The following SOX6 variants were observed in gnomAD, a reference collection of about 807,000 sequenced individuals.
The protein encoded by SOX6 is SRY-box transcription factor 6.
A neutral mutation model predicts 97.8 loss-of-function variants in SOX6; 11 were observed. That is an observed-to-expected ratio of 0.11 (90% CI 0.07 to 0.19). The LOEUF is 0.19. SOX6 is among the 10% of genes least tolerant of loss of function. The probability of loss-of-function intolerance (pLI) is 1.00; values close to 1 mark genes in which losing one functional copy is unlikely to be tolerated. For synonymous variants in SOX6, 360 were observed against 371.4 expected (o/e 0.97, Z 0.35); for missense variants, 810 against 1,039.5 (o/e 0.78, Z 3.04).
intron 1 of SOX6, among the ~76,000 whole-genome samples, chr11:16,341,598 G>A (rs1856637909): frequency 6.6e-6 from 1 of 151,930 alleles, no homozygotes; most frequent in African/African-American, 2.4e-5. Context: ...AGTATTTAGG[G>A]TGATAGTTAG....
At chr11:16,330,814 A>G (rs1856268243) in intron 2 of SOX6, among the ~76,000 whole-genome samples, 1 of 152,132 alleles carries the variant, frequency 6.6e-6, no homozygotes, top group Non-Finnish European at 1.5e-5. Flanking sequence ...CGAAGTCAGG[A>G]GATATAAAGT....
chr11:16,677,286 C>G (rs1847890943), intron 3 of SOX6, among the ~76,000 whole-genome samples: 1 of 152,026 alleles, frequency 6.6e-6, no homozygotes, highest in Non-Finnish European at 1.5e-5. Context: ...TCTTTAAAAC[C>G]ACCACCAAGA....
chr11:16,062,330 C>T (rs1285952378), intron 9 of SOX6, among the ~76,000 whole-genome samples: 1 of 151,494 alleles, frequency 6.6e-6, no homozygotes, highest in East Asian at 1.9e-4. Flanking sequence ...TCTTTGCAGA[C>T]TAATGGTTTA....
At chr11:16,677,483 C>T (rs1006413127) in intron 3 of SOX6, among the ~76,000 whole-genome samples, 1 of 152,164 alleles carries the variant, frequency 6.6e-6, no homozygotes, top group African/African-American at 2.4e-5. Context: ...TTTGGGACTT[C>T]TCTACTCCAC....
At chr11:16,329,822 A>G (rs1013333246) in intron 2 of SOX6, among the ~76,000 whole-genome samples, 3 of 152,186 alleles carry the variant, frequency 2.0e-5, no homozygotes, top group Admixed American at 2.0e-4. Context: ...CAGCTCCCAA[A>G]GTGGTCCATT....
intron 4 of SOX6, among the ~76,000 whole-genome samples, chr11:16,593,100 A>G (rs1848172900): frequency 6.6e-6 from 1 of 152,150 alleles, no homozygotes; most frequent in Non-Finnish European, 1.5e-5. Flanking sequence ...ACATATAGAT[A>G]TTTCTATATC....
chr11:16,623,394 G>A (rs918318268), intron 3 of SOX6, among the ~76,000 whole-genome samples: 1 of 149,338 alleles, frequency 6.7e-6, no homozygotes, highest in Admixed American at 7.0e-5. Flanking sequence ...ATGTCCTTAG[G>A]GCACTTTTTT....
At position 16,468,023 on chromosome 11, in the gene SOX6, G is replaced by A. The variant is rs537911069; in HGVS notation, c.-5+8292C>T. Among the ~76,000 whole-genome samples, 10 of 152,188 alleles carry A rather than the reference G, an allele frequency of 6.6e-5. No individual in the cohort carries two copies. The East Asian group carries it at 1.5e-3, about 24-fold the overall frequency. On this transcript the variant is annotated intron_variant, in intron 1 of 15. Coordinates refer to the SOX6 transcript ENST00000396356. Reference sequence around the variant, plus strand: ...GAAGATGATTAAGCTTATCTTCTTGGTTAGAAACAAGTTCAGAAAGCAGCT... The same window carrying A: ...GAAGATGATTAAGCTTATCTTCTTGATTAGAAACAAGTTCAGAAAGCAGCT...
At chr11:16,011,973 C>T (rs1854744138) in intron 13 of SOX6, among the ~76,000 whole-genome samples, 1 of 151,998 alleles carries the variant, frequency 6.6e-6, no homozygotes, top group South Asian at 2.1e-4. Flanking sequence ...CCCTTTTAAT[C>T]TTCTGTCTTT....
At chr11:15,985,769 A>C in intron 15 of SOX6, among the ~76,000 whole-genome samples, 1 of 152,196 alleles carries the variant, frequency 6.6e-6, no homozygotes, top group Non-Finnish European at 1.5e-5. Context: ...ACCAATGTCG[A>C]GGCCAATTAT....
At chr11:16,149,167 A>T (rs1399367884) in intron 6 of SOX6, among the ~76,000 whole-genome samples, 2 of 152,134 alleles carry the variant, frequency 1.3e-5, no homozygotes, top group Non-Finnish European at 2.9e-5. Flanking sequence ...GCCCAAACAC[A>T]TTTTTTAATA....
intron 1 of SOX6, among the ~76,000 whole-genome samples, chr11:16,387,128 C>G (rs926679733): frequency 2.6e-5 from 4 of 152,160 alleles, no homozygotes; most frequent in Non-Finnish European, 5.9e-5. Flanking sequence ...TCAAACTTGT[C>G]AGCACATTGA....
chr11:16,019,106 C>A (rs1478177138), intron 12 of SOX6, among the ~76,000 whole-genome samples: 1 of 152,060 alleles, frequency 6.6e-6, no homozygotes, highest in Non-Finnish European at 1.5e-5. Context: ...TCCTGAAAAA[C>A]AACACGTGAA....
At chr11:16,043,158 C>T (rs1564922251) in intron 12 of SOX6, among the ~76,000 whole-genome samples, 1 of 152,188 alleles carries the variant, frequency 6.6e-6, no homozygotes, top group South Asian at 2.1e-4. Context: ...GACTAAAATA[C>T]TCTCTATCTT....
chr11:16,573,554 T>C (rs911284311), intron 4 of SOX6, among the ~76,000 whole-genome samples: 3 of 152,208 alleles, frequency 2.0e-5, no homozygotes, highest in Non-Finnish European at 4.4e-5. Flanking sequence ...ATGCAGGATA[T>C]ATATATATGT....
At position 16,517,063 on chromosome 11, in the gene SOX6, G is replaced by A. The variant is rs1408848215; in HGVS notation, n.610-40675C>T. On this transcript the variant is annotated intron_variant and non_coding_transcript_variant, in intron 4 of 5. Transcript: ENST00000524520. Reference sequence around the variant, plus strand: ...AAATGTAATCCAGCATATAAACAGAGCCAAAGACAAAAACCACATGATTAT... The same window carrying A: ...AAATGTAATCCAGCATATAAACAGAACCAAAGACAAAAACCACATGATTAT... Among the ~76,000 whole-genome samples the A allele has an allele frequency of 1.2e-4, 18 of 147,014 alleles. 1 individual carries two copies. The highest frequency in any genetic ancestry group is 6.1e-4 in the East Asian group (3 of 4,950).
intron 6 of SOX6, among the ~76,000 whole-genome samples, chr11:16,145,866 G>T (rs1850278607): frequency 6.6e-6 from 1 of 152,252 alleles, no homozygotes; most frequent in Admixed American, 6.5e-5. Context: ...ACAAACAAAT[G>T]GAAGAACATT....
intron 1 of SOX6, among the ~76,000 whole-genome samples, chr11:16,425,592 C>T (rs1859110554): frequency 6.6e-6 from 1 of 152,192 alleles, no homozygotes; most frequent in South Asian, 2.1e-4. Flanking sequence ...CCAAAAGCTT[C>T]TTAGGCTGAT....
intron 3 of SOX6, among the ~76,000 whole-genome samples, chr11:16,253,349 C>CA (rs112725769): frequency 0.43 from 63,243 of 146,310 alleles, 14,115 homozygotes; most frequent in Non-Finnish European, 0.49. Context: ...AATTCCGTGT[C>CA]AAAAAAAAAA....
Sources: allele counts gnomAD v4.1 joint callset (sites outside exome capture counted in the v4.1 genomes callset), GRCh38; gene constraint gnomAD v4.1.1; transcripts MANE v1.5; gene names NCBI Gene and HGNC (gene_info 2026-07-23, HGNC 2026-07-21).